The following MDM1 variants were observed in gnomAD, a reference collection of about 807,000 sequenced individuals.
MDM1 encodes Mdm1 nuclear protein.
In MDM1, 61 loss-of-function variants were observed where a neutral mutation model predicts 89.1. The ratio of observed to expected loss-of-function variants is 0.68; its 90% CI spans 0.56 to 0.85. The LOEUF (loss-of-function observed/expected upper bound fraction) is 0.85. MDM1 is among the 40% of genes least tolerant of loss of function. MDM1 has a pLI of 0.00. For missense variants in MDM1, 820 were observed against 846.5 expected (o/e 0.97, Z 0.39); for synonymous variants, 290 against 294.1 (o/e 0.99, Z 0.14).
intron 10 of MDM1, among the ~76,000 whole-genome samples, chr12:68,313,968 C>T (rs1874088675): frequency 6.6e-6 from 1 of 151,970 alleles, no homozygotes; most frequent in Non-Finnish European, 1.5e-5. Context: ...CCCATCTCTA[C>T]TAAAAACACA....
Position 68,331,147 on chromosome 12 carries a change from C to T in MDM1, c.93G>A (p.Gly31=), listed in dbSNP as rs1876748205. 6.2e-7 allele frequency: 1 copy of T among 1,611,402 alleles called. No homozygotes were observed. Among genetic ancestry groups the T allele is most frequent in the Non-Finnish European group, 8.5e-7 (1 of 1,177,502 alleles). Residue 31 remains glycine (G), a synonymous_variant, in exon 2 of 15, where the codon GGG becomes GGA. Transcript: ENST00000682720. ...YLSESCNSSV[G]RKYPWAGLRS... ...TAAGTCCAGCCCATGGGTACTTTCG[C>T]CCCACGGAGGAATTACAAGACTCGG...
rs1365081954 is a variant in MDM1, at chr12:68,331,101, A to T, written c.133+6T>A. 3 of 1,530,694 alleles carry T rather than the reference A, an allele frequency of 2.0e-6. No individual in the cohort carries two copies. The highest frequency in any genetic ancestry group is 2.7e-5 in the African/African-American group (2 of 73,122). The allele number at this position is 1,530,694 out of a possible 1,614,324, so 94.8% of individuals were successfully genotyped here. Reference sequence around the variant, plus strand: ...GTTAGAATGGCTATTAGCCTGCTCAACTTACCTAATTGATCTGATCTAAGT... The same window carrying T: ...GTTAGAATGGCTATTAGCCTGCTCATCTTACCTAATTGATCTGATCTAAGT... On this transcript the variant is annotated splice_donor_region_variant and intron_variant, in intron 2 of 14. Transcript: ENST00000682720.
rs549688741 is a variant in MDM1, at chr12:68,310,185, G to T, written c.1749+3258C>A. Among the ~76,000 whole-genome samples, 4 of 152,284 alleles carry T rather than the reference G, an allele frequency of 2.6e-5. No homozygotes were observed. The South Asian group carries it at 8.3e-4, about 32-fold the overall frequency. On this transcript the variant is annotated intron_variant, in intron 12 of 14. Coordinates refer to ENST00000682720, the MANE Select transcript of MDM1 (RefSeq NM_001354969.2). ...AAGATTTCCCCATGTTGGCCAGGCT[G>T]GTCTTGAACTCCTGGCTTCATGTGA...
rs1875196049 is a variant in MDM1, at chr12:68,321,343, T to G, written c.1005+4A>C. ...GTAGGCTTATTGAGGTCATGTACACTCACCTGATTTGGCATGTTTCCCTTT... is the reference window on the plus strand; with the variant it reads ...GTAGGCTTATTGAGGTCATGTACACGCACCTGATTTGGCATGTTTCCCTTT... On this transcript the variant is annotated splice_donor_region_variant and intron_variant, in intron 7 of 14. Coordinates refer to ENST00000682720, the MANE Select transcript of MDM1 (RefSeq NM_001354969.2). 2.5e-6 allele frequency: 4 copies of G among 1,610,754 alleles called. No homozygotes were observed. Among genetic ancestry groups the G allele is most frequent in the African/African-American group, 1.3e-5 (1 of 74,760 alleles).
Position 68,315,090 on chromosome 12 carries a change from C to T in MDM1, c.1387G>A (p.Val463Ile), listed in dbSNP as rs756589831. 12 of 1,613,982 alleles carry T rather than the reference C, an allele frequency of 7.4e-6. No individual in the cohort carries two copies. Among genetic ancestry groups the T allele is most frequent in the African/African-American group, 2.7e-5 (2 of 74,884 alleles). ...TCTTTCTCCCCGGGCTGTTTCTGTA[C>T]GTCTTCACTTGTGTTCTCTGTATCC... is the stretch of plus-strand genomic sequence containing the variant. The part of the protein sequence containing the change: ...AWDTENTSED[V>I]QKQPGEKEEE... The change falls in exon 10 of 15, where the codon GTA becomes ATA. Residue 463 changes from valine (V) to isoleucine (I), a missense_variant. Transcript: ENST00000682720.
chr12:68,328,929 C>T (rs1432541589), intron 2 of MDM1, among the ~76,000 whole-genome samples: 1 of 152,086 alleles, frequency 6.6e-6, no homozygotes, highest in African/African-American at 2.4e-5. Flanking sequence ...TCCCCTAGTC[C>T]ATTCCTTCCT....
chr12:68,304,363 T>C (rs962663521), intron 12 of MDM1, among the ~76,000 whole-genome samples: 1 of 152,228 alleles, frequency 6.6e-6, no homozygotes, highest in Non-Finnish European at 1.5e-5. Flanking sequence ...CTTATTATCT[T>C]TGATTCTATC....
intron 7 of MDM1, among the ~76,000 whole-genome samples, chr12:68,316,999 T>C (rs1347589592): frequency 6.6e-6 from 1 of 152,062 alleles, no homozygotes; most frequent in Non-Finnish European, 1.5e-5. Context: ...CCTCTCCAAA[T>C]TCCTCAATAT....
intron 13 of MDM1, among the ~76,000 whole-genome samples, chr12:68,301,301 C>A (rs867999231): frequency 2.0e-5 from 3 of 152,166 alleles, no homozygotes; most frequent in African/African-American, 2.4e-5. Flanking sequence ...GAAATAATGT[C>A]TTTTGCAGCA....
chr12:68,312,835 T>C (rs1440456127), intron 12 of MDM1, among the ~76,000 whole-genome samples: 1 of 152,102 alleles, frequency 6.6e-6, no homozygotes. Context: ...AGGGGGCAGG[T>C]ACCCCCTTCA....
chr12:68,296,512 C>T (rs1333206527), intron 14 of MDM1, among the ~76,000 whole-genome samples: 1 of 152,100 alleles, frequency 6.6e-6, no homozygotes, highest in Admixed American at 6.5e-5. Flanking sequence ...CAAAACAAAA[C>T]GAAACAGCAA....
In MDM1 at chr12:68,332,313, C is replaced by T. The variant is rs1876976757; in HGVS notation, c.-68G>A. The T allele has an allele frequency of 1.3e-6, 2 of 1,501,162 alleles. No individual in the cohort carries two copies. Among genetic ancestry groups the T allele is most frequent in the Non-Finnish European group, 1.8e-6 (2 of 1,122,058 alleles). 93.0% of individuals were successfully genotyped at this position (1,501,162 alleles called of 1,614,324 possible). A position where few individuals can be genotyped will look rare whatever the true frequency, so the allele number is the denominator to read the frequency against. ...GAGAAAAAGCTCCGAGGGGGCGGGGCGATAACAGTGTTCCCTAGCAAAGCC... is the reference window on the plus strand; with the variant it reads ...GAGAAAAAGCTCCGAGGGGGCGGGGTGATAACAGTGTTCCCTAGCAAAGCC... On this transcript the variant is annotated 5_prime_UTR_variant, in exon 1 of 15. Transcript: ENST00000682720.
chr12:68,330,904 T>C (rs1876701970), intron 2 of MDM1: 3 of 522,882 alleles, frequency 5.7e-6, no homozygotes, highest in Non-Finnish European at 1.0e-5. Flanking sequence ...CCTGCCACAC[T>C]AGCTGCTGGG....
chr12:68,313,285 A>T (rs935942034), intron 12 of MDM1, among the ~76,000 whole-genome samples, 158 bp downstream of exon 12: 1 of 152,220 alleles, frequency 6.6e-6, no homozygotes, highest in Non-Finnish European at 1.5e-5. Flanking sequence ...TAACAGAAAA[A>T]AAGTCAAGCC....
intron 3 of MDM1, 48 bp from the exon 4 acceptor site, chr12:68,325,623 A>C: frequency 2.8e-6 from 4 of 1,438,284 alleles, no homozygotes; most frequent in Non-Finnish European, 3.7e-6. Flanking sequence ...ATTTCTATTC[A>C]AACTTTTTAA....
intron 2 of MDM1, among the ~76,000 whole-genome samples, chr12:68,328,582 T>C (rs759869325): frequency 6.6e-6 from 1 of 152,154 alleles, no homozygotes; most frequent in Non-Finnish European, 1.5e-5. Context: ...AAAATAGCAA[T>C]TTAGAAATGT....
At chr12:68,309,681 CA>C (rs776289625) in intron 12 of MDM1, among the ~76,000 whole-genome samples, 4 of 152,264 alleles carry the variant, frequency 2.6e-5, no homozygotes, top group South Asian at 4.1e-4. Context: ...AGTTTTGGGA[CA>C]TACTGATAAT....
chr12:68,298,524 G>A (rs180823634), intron 13 of MDM1, among the ~76,000 whole-genome samples: 7 of 152,108 alleles, frequency 4.6e-5, no homozygotes, highest in Admixed American at 2.0e-4. Context: ...CACAGGACTC[G>A]GTATGAGTGT....
At position 68,315,019 on chromosome 12, in the gene MDM1, C is replaced by T; in HGVS notation, c.1458G>A (p.Lys486=). 2 of 1,614,174 alleles carry T rather than the reference C, an allele frequency of 1.2e-6. No individual in the cohort carries two copies. The highest frequency in any genetic ancestry group is 1.7e-6 in the Non-Finnish European group (2 of 1,180,048). Reference sequence around the variant, plus strand: ...TCTCTTGCTCTCCCATAAAAGCCTGCTTGCCCGTTTTCCTGTCCCCTTCCT... The same window carrying T: ...TCTCTTGCTCTCCCATAAAAGCCTGTTTGCCCGTTTTCCTGTCCCCTTCCT... ...NEEEGDRKTG[K]QAFMGEQEKL... The change falls in exon 10 of 15, where the codon AAG becomes AAA. Residue 486 remains lysine, a synonymous_variant. Coordinates refer to ENST00000682720, the MANE Select transcript of MDM1 (RefSeq NM_001354969.2).
Sources: gnomAD v4.1 joint callset for allele counts (sites outside exome capture counted in the v4.1 genomes callset) on GRCh38, gnomAD v4.1.1 for gene constraint, MANE v1.5 for transcripts, NCBI Gene and HGNC (gene_info 2026-07-23, HGNC 2026-07-21) for gene names.